Variants in DYNC1I1 observed in about 807,000 individuals in gnomAD.
DYNC1I1 encodes dynein cytoplasmic 1 intermediate chain 1.
DYNC1I1 carries 43 observed loss-of-function variants against 86.6 expected under a neutral mutation model. The observed-to-expected ratio is 0.50, with a 90% CI of 0.39 to 0.64. The LOEUF (loss-of-function observed/expected upper bound fraction) is 0.64, where lower values mean the gene tolerates loss of function less well. Among genes scored for constraint, DYNC1I1 ranks in the 30% least tolerant of loss-of-function variants. DYNC1I1 has a pLI of 0.00. For synonymous variants in DYNC1I1, 262 were observed against 283.7 expected, an observed-to-expected ratio of 0.92 and a Z score of 0.77; for missense variants, 604 against 788.8, an observed-to-expected ratio of 0.77 and a Z score of 2.81.
At chr7:95,788,470 A>T (rs1794205992) in intron 1 of DYNC1I1, among the ~76,000 whole-genome samples, 1 of 152,202 alleles carries the variant, frequency 6.6e-6, no homozygotes, top group Non-Finnish European at 1.5e-5. Context: ...ATGCACATGA[A>T]GCCAGAGTCC....
intron 10 of DYNC1I1, among the ~76,000 whole-genome samples, chr7:96,018,491 G>C (rs542517170): frequency 6.6e-6 from 1 of 152,260 alleles, no homozygotes; most frequent in East Asian, 1.9e-4. Flanking sequence ...CACTCATTTA[G>C]TAACTGCACA....
At position 95,980,055 on chromosome 7, in the gene DYNC1I1, C is replaced by G. The variant is rs114413652; in HGVS notation, c.580+2454C>G. ...ATTCCCCATCACCACCACCCCAGCC[C>G]CAATCTCCAAGTCGTCTTCTCCAGC... On this transcript the variant is annotated intron_variant, in intron 7 of 16. Coordinates refer to ENST00000447467, the MANE Select transcript of DYNC1I1 (RefSeq NM_001135556.2). Among the ~76,000 whole-genome samples the G allele has an allele frequency of 7.5e-3, 1,137 of 152,212 alleles. 16 individuals are homozygous for G. Among genetic ancestry groups the G allele is most frequent in the African/African-American group, 0.026 (1,079 of 41,540 alleles).
chr7:96,052,746 C>G (rs1333628379), intron 14 of DYNC1I1, among the ~76,000 whole-genome samples: 2 of 152,028 alleles, frequency 1.3e-5, no homozygotes, highest in Non-Finnish European at 2.9e-5. Flanking sequence ...GGACAGCTCT[C>G]GGGACAAAAT....
intron 6 of DYNC1I1, among the ~76,000 whole-genome samples, chr7:95,946,335 A>G (rs1010160450): frequency 6.6e-6 from 1 of 152,102 alleles, no homozygotes; most frequent in Non-Finnish European, 1.5e-5. Context: ...GGAGAGAATG[A>G]TATTTAAGAC....
intron 5 of DYNC1I1, among the ~76,000 whole-genome samples, chr7:95,847,276 C>T (rs1789458330): frequency 6.6e-6 from 1 of 152,164 alleles, no homozygotes; most frequent in African/African-American, 2.4e-5. Flanking sequence ...TCTCGTCACC[C>T]TGGACCAAAT....
intron 6 of DYNC1I1, among the ~76,000 whole-genome samples, chr7:95,951,729 A>G (rs1792563851): frequency 6.6e-6 from 1 of 152,194 alleles, no homozygotes; most frequent in African/African-American, 2.4e-5. Flanking sequence ...CTGCACGCCT[A>G]CACAGCAGAT....
chr7:96,109,108 G>GT (rs1171798345), intron 16 of DYNC1I1, among the ~76,000 whole-genome samples: 1 of 151,622 alleles, frequency 6.6e-6, no homozygotes, highest in East Asian at 1.9e-4. Context: ...GATTATGTGG[G>GT]TTTTTTCCCT....
rs571227750 is a variant in DYNC1I1, at chr7:95,942,605, T to C, written c.491-34907T>C. Among the ~76,000 whole-genome samples the C allele has an allele frequency of 7.1e-3, 1,082 of 152,112 alleles. 9 individuals are homozygous for C. The highest frequency in any genetic ancestry group is 0.024 in the African/African-American group (1,016 of 41,470). On this transcript the variant is annotated intron_variant, in intron 6 of 16. Transcript: ENST00000447467. ...TTTAGACCAATATCCTTGATGAACA[T>C]TGATGCAAAAATCCTCAATAAAATA... is the stretch of plus-strand genomic sequence containing the variant.
At chr7:96,078,526 T>C (rs902011413) in intron 15 of DYNC1I1, among the ~76,000 whole-genome samples, 9 of 152,174 alleles carry the variant, frequency 5.9e-5, no homozygotes, top group African/African-American at 2.2e-4. Flanking sequence ...AAAGAAACTA[T>C]TTTTAAATGT....
At chr7:95,898,301 A>G (rs187946886) in intron 6 of DYNC1I1, among the ~76,000 whole-genome samples, 49 of 152,294 alleles carry the variant, frequency 3.2e-4, no homozygotes, top group African/African-American at 1.1e-3. Context: ...TTTTCAGCCA[A>G]TTGTCTCACC....
chr7:95,780,298 G>C (rs1012039421), intron 1 of DYNC1I1, among the ~76,000 whole-genome samples: 1 of 150,898 alleles, frequency 6.6e-6, no homozygotes, highest in Non-Finnish European at 1.5e-5. Context: ...TTGAGACGGA[G>C]TCTCTGTCGC....
chr7:95,903,404 A>G (rs1006896187), intron 6 of DYNC1I1, among the ~76,000 whole-genome samples: 20 of 152,176 alleles, frequency 1.3e-4, no homozygotes, highest in Admixed American at 2.0e-4. Context: ...TACCTCCAAC[A>G]GGGAGCAGCA....
intron 6 of DYNC1I1, among the ~76,000 whole-genome samples, chr7:95,875,582 G>A (rs1790289460): frequency 1.3e-5 from 2 of 152,186 alleles, no homozygotes; most frequent in African/African-American, 4.8e-5. Flanking sequence ...CTCTCTCTGA[G>A]ATCATGGTCA....
At chr7:95,972,541 CG>C (rs201765463) in intron 6 of DYNC1I1, among the ~76,000 whole-genome samples, 3 of 111,524 alleles carry the variant, frequency 2.7e-5, no homozygotes, top group African/African-American at 1.1e-4. Context: ...ATCACCAATC[CG>C]GATTGCTGCA....
Position 95,963,726 on chromosome 7 carries a change from G to A in DYNC1I1, c.491-13786G>A, listed in dbSNP as rs147216831. Among the ~76,000 whole-genome samples the A allele has an allele frequency of 5.3e-4, 81 of 152,282 alleles. 3 individuals are homozygous for A. The East Asian group carries it at 0.011, about 21-fold the overall frequency. On this transcript the variant is annotated intron_variant, in intron 6 of 16. Coordinates refer to ENST00000447467, the MANE Select transcript of DYNC1I1 (RefSeq NM_001135556.2). ...TCAGTAGAAAGTTATGAACTCTCTG[G>A]TGAAATGCTGCTCAGTTTATTCTCT... is the stretch of plus-strand genomic sequence containing the variant.
Position 96,065,813 on chromosome 7 carries a change from A to G in DYNC1I1, c.1510-10244A>G, listed in dbSNP as rs185033058. ...TCAGCCTAACCTGAGTGTCTCTACC[A>G]GAGACTCAAATGCACTGTGTTTAAA... On this transcript the variant is annotated intron_variant, in intron 14 of 16. Transcript: ENST00000447467. Among the ~76,000 whole-genome samples, 19 of 152,294 alleles carry G rather than the reference A, an allele frequency of 1.2e-4. No homozygotes were observed. In the East Asian group the frequency reaches 3.7e-3, roughly 29 times the overall value.
At chr7:95,816,802 G>A (rs551478313) in intron 4 of DYNC1I1, among the ~76,000 whole-genome samples, 2 of 152,240 alleles carry the variant, frequency 1.3e-5, no homozygotes, top group Admixed American at 1.3e-4. Context: ...AAAGGTCAAA[G>A]AAGGAAAAAT....
At chr7:95,948,668 G>A (rs1792470178) in intron 6 of DYNC1I1, among the ~76,000 whole-genome samples, 1 of 152,106 alleles carries the variant, frequency 6.6e-6, no homozygotes. Context: ...CTACATAAAG[G>A]ATTATGTGGG....
intron 16 of DYNC1I1, among the ~76,000 whole-genome samples, chr7:96,107,643 T>G (rs186756516): frequency 1.3e-5 from 2 of 151,948 alleles, no homozygotes; most frequent in East Asian, 3.9e-4. Flanking sequence ...GGGATTCTCC[T>G]GCCTCAGCCT....
Sources: allele counts gnomAD v4.1 joint callset (sites outside exome capture counted in the v4.1 genomes callset), GRCh38; gene constraint gnomAD v4.1.1; transcripts MANE v1.5; gene names NCBI Gene and HGNC (gene_info 2026-07-23, HGNC 2026-07-21).